ADGRL3: variants seen among roughly 807,000 people sequenced by gnomAD.
ADGRL3 encodes calcium-independent alpha-latrotoxin receptor 3.
ADGRL3 carries 62 observed loss-of-function variants against 153.5 expected under a neutral mutation model. The ratio of observed to expected loss-of-function variants is 0.40; its 90% confidence interval spans 0.33 to 0.50. The LOEUF (loss-of-function observed/expected upper bound fraction) is 0.50. ADGRL3 is among the 20% of genes least tolerant of loss of function. ADGRL3 has a pLI of 0.47. For synonymous variants in ADGRL3, 710 were observed against 672.5 expected, an observed-to-expected ratio of 1.06 and a Z score of -0.86; for missense variants, 1,641 against 1,859.4, an observed-to-expected ratio of 0.88 and a Z score of 2.16.
intron 6 of ADGRL3, among the ~76,000 whole-genome samples, chr4:61,726,210 G>GTTTGTTTTTTTTTTTTTTTTTTTTTTT (rs2096336633): frequency 8.4e-6 from 1 of 118,480 alleles, no homozygotes; most frequent in Admixed American, 1.0e-4. Context: ...TTTTTTTTTT[G>GTTTGTTTTTTTTTTTTTTTTTTTTTTT]TTTTTTGAGA....
intron 9 of ADGRL3, among the ~76,000 whole-genome samples, chr4:61,886,623 C>T (rs1026442061): frequency 2.2e-5 from 2 of 92,618 alleles, no homozygotes; most frequent in Admixed American, 1.3e-4. Flanking sequence ...GTTTAGACTA[C>T]ATTTGTTTGT....
At chr4:61,852,557 C>A (rs981768209) in intron 9 of ADGRL3, among the ~76,000 whole-genome samples, 12 of 152,046 alleles carry the variant, frequency 7.9e-5, no homozygotes, top group African/African-American at 2.9e-4. Context: ...TCAAGCGATC[C>A]GCCCGCCTCG....
chr4:61,655,506 TA>T (rs1483755953), intron 5 of ADGRL3, among the ~76,000 whole-genome samples: 1 of 152,066 alleles, frequency 6.6e-6, no homozygotes, highest in Non-Finnish European at 1.5e-5. Context: ...AAATTAAAAG[TA>T]AAAAATACAC....
At position 61,266,453 on chromosome 4, in the gene ADGRL3, A is replaced by G. The variant is rs190240644; in HGVS notation, c.-240+64688A>G. On this transcript the variant is annotated intron_variant, in intron 1 of 26. Coordinates refer to ENST00000683033, the MANE Select transcript of ADGRL3 (RefSeq NM_001387552.1). Reference sequence around the variant, plus strand: ...GAGTTCTAGACTCTAAGAACATGCCATTCAATTTTAACATCACTTCTATTG... The same window carrying G: ...GAGTTCTAGACTCTAAGAACATGCCGTTCAATTTTAACATCACTTCTATTG... Among the ~76,000 whole-genome samples the G allele has an allele frequency of 9.9e-5, 15 of 151,998 alleles. No homozygotes were observed. The East Asian group carries it at 2.3e-3, about 23-fold the overall frequency.
In ADGRL3 at chr4:61,712,836, A is replaced by G. The variant is rs116291510; in HGVS notation, c.584-17786A>G. Among the ~76,000 whole-genome samples, 596 of 152,252 alleles carry G rather than the reference A, an allele frequency of 3.9e-3. 3 individuals carry two copies. The highest frequency in any genetic ancestry group is 0.013 in the African/African-American group (552 of 41,550). On this transcript the variant is annotated intron_variant, in intron 6 of 26. Coordinates refer to ENST00000683033, the MANE Select transcript of ADGRL3 (RefSeq NM_001387552.1). ...GTTTTAGTTCCTTTTGTCTCTTGAT[A>G]TGACTCTCTCTGTATACATTTATGT... is the stretch of plus-strand genomic sequence containing the variant.
intron 18 of ADGRL3, among the ~76,000 whole-genome samples, chr4:61,982,941 C>A (rs1332143081): frequency 6.6e-6 from 1 of 151,910 alleles, no homozygotes; most frequent in Non-Finnish European, 1.5e-5. Flanking sequence ...ACTAATTTTC[C>A]CCTTAGTTTT....
At chr4:61,440,842 A>G (rs1346997369) in intron 2 of ADGRL3, among the ~76,000 whole-genome samples, 1 of 152,178 alleles carries the variant, frequency 6.6e-6, no homozygotes, top group Non-Finnish European at 1.5e-5. Context: ...ATAATAACAG[A>G]ATTACAATTA....
chr4:61,810,630 T>C (rs1024983152), intron 8 of ADGRL3, among the ~76,000 whole-genome samples: 1 of 152,124 alleles, frequency 6.6e-6, no homozygotes, highest in Non-Finnish European at 1.5e-5. Context: ...AGATTGAAGA[T>C]AGAAAAATAA....
intron 9 of ADGRL3, among the ~76,000 whole-genome samples, chr4:61,827,676 T>C (rs962280160): frequency 6.6e-6 from 1 of 152,182 alleles, no homozygotes; most frequent in Non-Finnish European, 1.5e-5. Flanking sequence ...ATTCAGACAC[T>C]GCAGTTAAAG....
At chr4:61,300,764 C>CTTTT (rs1304409504) in intron 1 of ADGRL3, among the ~76,000 whole-genome samples, 1 of 111,492 alleles carries the variant, frequency 9.0e-6, no homozygotes, top group African/African-American at 2.9e-5. Flanking sequence ...TCTTTTCTTT[C>CTTTT]TTTCTTTTTT....
chr4:62,009,299 T>A (rs879539988), intron 21 of ADGRL3, among the ~76,000 whole-genome samples: 5 of 152,104 alleles, frequency 3.3e-5, no homozygotes, highest in Non-Finnish European at 5.9e-5. Context: ...TATTTGTCAA[T>A]GAAAATTACC....
intron 8 of ADGRL3, among the ~76,000 whole-genome samples, chr4:61,781,332 A>AAAAAAAAAAAAAT (rs2097211195): frequency 8.8e-6 from 1 of 114,242 alleles, no homozygotes; most frequent in Admixed American, 8.4e-5. Flanking sequence ...TTCTGCCTCC[A>AAAAAAAAAAAAAT]AAAAAAAAAA....
chr4:61,634,916 C>T (rs1197362905), intron 5 of ADGRL3, among the ~76,000 whole-genome samples: 1 of 152,108 alleles, frequency 6.6e-6, no homozygotes, highest in Non-Finnish European at 1.5e-5. Context: ...TCTGCAAGAG[C>T]CCTATTTACA....
At chr4:61,424,643 G>A (rs1026053540) in intron 2 of ADGRL3, among the ~76,000 whole-genome samples, 6 of 152,166 alleles carry the variant, frequency 3.9e-5, no homozygotes, top group Non-Finnish European at 7.3e-5. Context: ...CCCTATAAGG[G>A]CACAGATGCC....
chr4:61,863,458 C>G (rs574004539), intron 9 of ADGRL3, among the ~76,000 whole-genome samples: 1 of 151,668 alleles, frequency 6.6e-6, no homozygotes, highest in Admixed American at 6.6e-5. Flanking sequence ...GGGATGGTCT[C>G]GATCTCCTGA....
intron 1 of ADGRL3, among the ~76,000 whole-genome samples, chr4:61,211,115 A>T (rs1301978703): frequency 6.6e-6 from 1 of 152,190 alleles, no homozygotes; most frequent in Non-Finnish European, 1.5e-5. Flanking sequence ...ATTTAACTTA[A>T]AATATTTAAT....
chr4:61,776,312 C>CTCATGTGATAGATTGTGGTCAA (rs2097150773), intron 8 of ADGRL3, among the ~76,000 whole-genome samples: 2 of 152,126 alleles, frequency 1.3e-5, no homozygotes, highest in Admixed American at 1.3e-4. Flanking sequence ...TAACAGTGAG[C>CTCATGTGATAGATTGTGGTCAA]AAGAAGACTA....
chr4:61,563,423 G>A (rs560278387), intron 4 of ADGRL3, among the ~76,000 whole-genome samples: 2 of 152,272 alleles, frequency 1.3e-5, no homozygotes, highest in South Asian at 4.1e-4. Context: ...TTTCAGAGTG[G>A]TAAATAAGTA....
In ADGRL3 at chr4:61,517,317, G is replaced by C. The variant is rs2098502560; in HGVS notation, c.58G>C (p.Gly20Arg). ...MMLLAPIIHG[G>R]KHSERHPALA... ...GGTGCGCCCTGCGGTCCCCGCAGGTGGCAAGCACAGTGAACGACATCCTGC... is the reference window on the plus strand; with the variant it reads ...GGTGCGCCCTGCGGTCCCCGCAGGTCGCAAGCACAGTGAACGACATCCTGC... Residue 20 changes from glycine (G) to arginine (R), a missense_variant and splice_region_variant, in exon 4 of 27, where the codon GGC (glycine) becomes CGC (arginine). Physicochemically the swap from Gly to Arg is moderately radical, Grantham distance 125 (BLOSUM62 -2). Coordinates refer to ENST00000683033, the MANE Select transcript of ADGRL3 (RefSeq NM_001387552.1). The C allele has an allele frequency of 1.4e-6, 1 of 702,676 alleles. No individual in the cohort carries two copies. The highest frequency in any genetic ancestry group is 1.7e-5 in the African/African-American group (1 of 57,262). The allele number at this position is 702,676 out of a possible 1,614,324, so 43.5% of individuals were successfully genotyped here. A position where few individuals can be genotyped will look rare whatever the true frequency, so the allele number is the denominator to read the frequency against.
Sources: allele counts gnomAD v4.1 joint callset (sites outside exome capture counted in the v4.1 genomes callset), GRCh38; gene constraint gnomAD v4.1.1; transcripts MANE v1.5; gene names NCBI Gene and HGNC (gene_info 2026-07-23, HGNC 2026-07-21).